Variants in EML6 observed in about 807,000 individuals in gnomAD.
EML6 encodes EMAP like 6, also known as echinoderm microtubule-associated protein-like 6.
In EML6, 154 loss-of-function variants were observed where a neutral mutation model predicts 240.1. The observed-to-expected ratio is 0.64, with a 90% CI of 0.56 to 0.73. The LOEUF is 0.73. Among genes scored for constraint, EML6 ranks in the 30% least tolerant of loss-of-function variants. The pLI is 0.00. For missense variants in EML6, 2,964 were observed against 2,474.6 expected (o/e 1.20, Z -4.20); for synonymous variants, 1,148 against 899.0 (o/e 1.28, Z -4.95).
chr2:54,935,891 A>G (rs985409753), intron 28 of EML6, among the ~76,000 whole-genome samples: 2 of 152,096 alleles, frequency 1.3e-5, no homozygotes, highest in East Asian at 3.8e-4. Context: ...TTAGCTGGGA[A>G]TGAAAACACA....
chr2:54,789,080 T>C (rs887559582), intron 2 of EML6, among the ~76,000 whole-genome samples: 2 of 152,234 alleles, frequency 1.3e-5, no homozygotes, highest in Non-Finnish European at 2.9e-5. Flanking sequence ...TTTCATGTGT[T>C]CTGTCTCTGC....
intron 17 of EML6, among the ~76,000 whole-genome samples, chr2:54,884,572 G>C (rs1475930804): frequency 2.0e-5 from 3 of 152,202 alleles, no homozygotes; most frequent in African/African-American, 7.2e-5. Context: ...TCAATCATGA[G>C]CATACAAGAA....
intron 17 of EML6, among the ~76,000 whole-genome samples, chr2:54,888,261 A>T (rs779116681): frequency 4.6e-5 from 7 of 152,156 alleles, no homozygotes; most frequent in Non-Finnish European, 7.3e-5. Context: ...TCATGCCATG[A>T]GGTGTGTAGT....
intron 28 of EML6, among the ~76,000 whole-genome samples, chr2:54,937,988 A>G (rs1675236926): frequency 1.3e-5 from 2 of 152,228 alleles, no homozygotes; most frequent in African/African-American, 4.8e-5. Context: ...TTCTGACACC[A>G]ATCTGCTTCG....
chr2:54,881,026 A>C (rs1671781809), intron 17 of EML6: 1 of 152,204 alleles, frequency 6.6e-6, no homozygotes, highest in African/African-American at 2.4e-5. Context: ...TATTTAACAC[A>C]AAGTTGACTT....
intron 29 of EML6, 45 bp from the exon 30 acceptor site, chr2:54,950,605 C>T: frequency 1.3e-6 from 2 of 1,547,438 alleles, no homozygotes; most frequent in Non-Finnish European, 1.7e-6. Context: ...TCGGCTCTCC[C>T]TTCCTTCCTC....
intron 2 of EML6, among the ~76,000 whole-genome samples, chr2:54,810,414 G>A (rs1281051655): frequency 2.0e-5 from 3 of 152,036 alleles, no homozygotes; most frequent in Non-Finnish European, 2.9e-5. Context: ...CCCCAACCCC[G>A]TCATTCAAAG....
chr2:54,917,469 A>T (rs1052415728), intron 26 of EML6, among the ~76,000 whole-genome samples: 1 of 150,232 alleles, frequency 6.7e-6, no homozygotes, highest in Non-Finnish European at 1.5e-5. Context: ...GGTTCAGGCA[A>T]TTCCCTGCCT....
chr2:54,947,199 C>A (rs1020269840), intron 28 of EML6, among the ~76,000 whole-genome samples: 2 of 152,028 alleles, frequency 1.3e-5, no homozygotes, highest in Non-Finnish European at 2.9e-5. Context: ...AAGAAGAAAC[C>A]CACGGATTTC....
chr2:54,809,400 C>T (rs1032802994), intron 2 of EML6, among the ~76,000 whole-genome samples: 1 of 152,140 alleles, frequency 6.6e-6, no homozygotes, highest in African/African-American at 2.4e-5. Context: ...CAATAGTTGG[C>T]CATTTCTCAT....
At chr2:54,893,597 G>A (rs1461249983) in intron 19 of EML6, among the ~76,000 whole-genome samples, 3 of 152,170 alleles carry the variant, frequency 2.0e-5, no homozygotes, top group African/African-American at 2.4e-5. Flanking sequence ...CACCTTCAGT[G>A]TTTTAAAACA....
intron 38 of EML6, chr2:54,966,578 G>A (rs1180557900): frequency 6.4e-6 from 1 of 155,202 alleles, no homozygotes; most frequent in African/African-American, 2.4e-5. Context: ...AAAGGTTCTT[G>A]GTTTCCTGTG....
At chr2:54,944,168 G>T (rs1464681680) in intron 28 of EML6, among the ~76,000 whole-genome samples, 1 of 151,864 alleles carries the variant, frequency 6.6e-6, no homozygotes, top group Admixed American at 6.6e-5. Flanking sequence ...TGATTCCCAG[G>T]GTCATGTCAC....
At chr2:54,922,125 G>T (rs566597378) in intron 26 of EML6, among the ~76,000 whole-genome samples, 1 of 152,208 alleles carries the variant, frequency 6.6e-6, no homozygotes, top group Admixed American at 6.5e-5. Context: ...AAATGAAAAG[G>T]CAGCCTATCA....
Position 54,928,794 on chromosome 2 carries a change from A to G in EML6, c.4004+43A>G, listed in dbSNP as rs1276100784. On this transcript the variant is annotated intron_variant, in intron 28 of 41. Transcript: ENST00000356458. ...TTGCTTGCTTTTATTATACCTGATG[A>G]CAAGAAACTTGTTTAAGCCAGAGTG... 12 of 1,550,582 alleles carry G rather than the reference A, an allele frequency of 7.7e-6. 1 individual carries two copies. The highest frequency in any genetic ancestry group is 1.4e-5 in the African/African-American group (1 of 72,996).
rs987417005 is a variant in EML6 at position 54,725,840 on chromosome 2, C to A, written c.197+582C>A. ...AGCATATTTATACACTAAATGGATGCTTCCACAGCATCATTGAGGTTATTA... is the reference window on the plus strand; with the variant it reads ...AGCATATTTATACACTAAATGGATGATTCCACAGCATCATTGAGGTTATTA... On this transcript the variant is annotated intron_variant, in intron 2 of 41. Transcript: ENST00000356458. The surrounding 1 kb of genome is among the most constrained non-coding windows in gnomAD (Gnocchi z 4.3). Among the ~76,000 whole-genome samples, 1 of 152,192 alleles carries A rather than the reference C, an allele frequency of 6.6e-6. No homozygotes were observed. Among genetic ancestry groups the A allele is most frequent in the Non-Finnish European group, 1.5e-5 (1 of 68,026 alleles).
intron 16 of EML6, among the ~76,000 whole-genome samples, chr2:54,873,463 C>T (rs1671358417): frequency 6.6e-6 from 1 of 152,208 alleles, no homozygotes. Context: ...AAAGTCCAAA[C>T]TCCCGGAAGT....
chr2:54,835,517 G>C (rs1221896750), intron 7 of EML6, among the ~76,000 whole-genome samples: 1 of 152,218 alleles, frequency 6.6e-6, no homozygotes, highest in Non-Finnish European at 1.5e-5. Context: ...GGAGGTCTTA[G>C]AGGTTTAGGC....
intron 17 of EML6, chr2:54,881,027 A>G (rs1671781903): frequency 6.6e-6 from 1 of 152,192 alleles, no homozygotes; most frequent in African/African-American, 2.4e-5. Flanking sequence ...ATTTAACACA[A>G]AGTTGACTTA....
Sources: allele counts gnomAD v4.1 joint callset (sites outside exome capture counted in the v4.1 genomes callset), GRCh38; gene constraint gnomAD v4.1.1; non-coding constraint Gnocchi (gnomAD v3.1); transcripts MANE v1.5; gene names NCBI Gene and HGNC (gene_info 2026-07-23, HGNC 2026-07-21).